LPXN: variants seen among roughly 807,000 people sequenced by gnomAD.
LPXN encodes the protein leupaxin.
LPXN carries 28 observed loss-of-function variants against 45.6 expected under a neutral mutation model. The observed-to-expected ratio is 0.61, with a 90% CI of 0.45 to 0.84. The LOEUF (loss-of-function observed/expected upper bound fraction) is 0.84, where lower values mean the gene tolerates loss of function less well. LPXN is among the 40% of genes least tolerant of loss of function. The pLI is 0.00. For synonymous variants in LPXN, 166 were observed against 169.9 expected (o/e 0.98, Z 0.18); for missense variants, 459 against 475.0 (o/e 0.97, Z 0.31).
Position 58,550,016 on chromosome 11 carries a change from AGTT to A in LPXN, c.614_616del (p.Gln205del), listed in dbSNP as rs751879446. ...GCAGTAAGCACAGCGTGGAGAAAAA[AGTT>A]GGTGGTAGTCGTTGGGGCAGTAGGC... On this transcript the variant is annotated inframe_deletion, in exon 6 of 9. Coordinates refer to ENST00000395074, the MANE Select transcript of LPXN (RefSeq NM_004811.3). 7 of 1,614,174 alleles carry A rather than the reference AGTT, an allele frequency of 4.3e-6. No homozygotes were observed. The African/African-American group carries it at 6.7e-5, about 15-fold the overall frequency.
At chr11:58,578,117 G>T, upstream of LPXN, 1 of 1,525,580 alleles carries the variant, frequency 6.6e-7, no homozygotes, top group South Asian at 1.2e-5. Flanking sequence ...CAGTTACGCA[G>T]ACACCCCGAG....
chr11:58,578,149 TAAAAAGTAAG>T (rs992028803), upstream of LPXN: 17 of 1,439,456 alleles, frequency 1.2e-5, no homozygotes, highest in African/African-American at 1.9e-4. Context: ...AACGCCCAGA[TAAAAAGTAAG>T]AAAAAGTAGG....
intron 3 of LPXN, among the ~76,000 whole-genome samples, chr11:58,556,475 A>G (rs946990085): frequency 3.3e-5 from 5 of 152,106 alleles, no homozygotes; most frequent in African/African-American, 1.2e-4. Flanking sequence ...TCCTATTATC[A>G]CTGGCAATCT....
At chr11:58,567,466 C>T (rs1297247969) in intron 2 of LPXN, among the ~76,000 whole-genome samples, 3 of 152,138 alleles carry the variant, frequency 2.0e-5, no homozygotes, top group South Asian at 4.1e-4. Context: ...AAAGGAAAAT[C>T]ACTCATTAAT....
At position 58,551,222 on chromosome 11, in the gene LPXN, C is replaced by T. The variant is rs1255880984; in HGVS notation, c.329G>A (p.Arg110Lys). The T allele has an allele frequency of 6.2e-7, 1 of 1,605,970 alleles. No individual in the cohort carries two copies. Among genetic ancestry groups the T allele is most frequent in the African/African-American group, 1.3e-5 (1 of 74,712 alleles). Residue 110 changes from arginine (R) to lysine (K), a missense_variant, in exon 5 of 9, where the codon AGA becomes AAA. By Grantham distance (26) the Arg-to-Lys change is conservative (BLOSUM62 2). Transcript: ENST00000395074. ...LTEMQAKVAV[R>K]ADAGKKHLPD... is the part of the protein sequence containing the mutation. Reference sequence around the variant, plus strand: ...TAAGTGCTTCTTGCCAGCATCTGCTCTCACTGCAACCTGGCCCAAGGGAAG... The same window carrying T: ...TAAGTGCTTCTTGCCAGCATCTGCTTTCACTGCAACCTGGCCCAAGGGAAG...
intron 4 of LPXN, chr11:58,553,885 AAG>A (rs2120351485): frequency 6.6e-6 from 1 of 152,316 alleles, no homozygotes; most frequent in South Asian, 2.1e-4. Context: ...GGCTAGAACA[AAG>A]AGGCAGATTT....
intron 3 of LPXN, among the ~76,000 whole-genome samples, chr11:58,555,752 A>C (rs1286533125): frequency 9.5e-6 from 1 of 105,144 alleles, no homozygotes; most frequent in Non-Finnish European, 2.0e-5. Flanking sequence ...ACACACACAC[A>C]CACACTCACA....
chr11:58,564,156 T>TG lies in LPXN; in HGVS notation c.216dup (p.Ser73GlnfsTer2). 1 of 1,587,176 alleles carries TG rather than the reference T, an allele frequency of 6.3e-7. No homozygotes were observed. The highest frequency in any genetic ancestry group is 1.1e-5 in the South Asian group (1 of 88,396). On this transcript the variant is annotated frameshift_variant and splice_region_variant, in exon 3 of 9. Coordinates refer to ENST00000395074, the MANE Select transcript of LPXN (RefSeq NM_004811.3). LOFTEE classifies it high-confidence loss of function. ...AGCATTTAATAGAAAAAAAAATACC[T>TG]GTAGACATTGAGCTCCTGGATATTG...
chr11:58,558,003 A>T (rs1026315860), intron 3 of LPXN, among the ~76,000 whole-genome samples: 1 of 152,008 alleles, frequency 6.6e-6, no homozygotes, highest in East Asian at 1.9e-4. Flanking sequence ...AACACTCAAG[A>T]CAATTTTGGA....
chr11:58,559,211 T>A (rs1217965096), intron 3 of LPXN, among the ~76,000 whole-genome samples: 1 of 152,054 alleles, frequency 6.6e-6, no homozygotes, highest in African/African-American at 2.4e-5. Flanking sequence ...AATATGAATT[T>A]TATATATATA....
rs539087836 is a variant in LPXN at position 58,527,813 on chromosome 11, C to G, written c.892-90G>C. 1.0e-3 allele frequency: 1,349 copies of G among 1,297,676 alleles called. 11 individuals carry two copies. The highest frequency in any genetic ancestry group is 2.5e-4 in the Non-Finnish European group (238 of 936,602). The allele number at this position is 1,297,676 out of a possible 1,614,324, so 80.4% of individuals were successfully genotyped here. ...AAATTTTCAGCCTTGAAATTCCTGA[C>G]AGTTACCTGCCAGCTACAGGAATTT... On this transcript the variant is annotated intron_variant, in intron 8 of 8. Transcript: ENST00000395074.
intron 7 of LPXN, among the ~76,000 whole-genome samples, chr11:58,540,425 G>T (rs1344250297): frequency 6.6e-6 from 1 of 152,072 alleles, no homozygotes; most frequent in Non-Finnish European, 1.5e-5. Flanking sequence ...ATGATAATAA[G>T]AAATTCTTAA....
intron 3 of LPXN, among the ~76,000 whole-genome samples, chr11:58,562,205 C>T (rs1012406238): frequency 7.2e-5 from 11 of 152,080 alleles, no homozygotes; most frequent in African/African-American, 2.7e-4. Context: ...GCTCATGTTG[C>T]TATTGATATA....
chr11:58,563,916 G>A (rs1854453236), intron 3 of LPXN, among the ~76,000 whole-genome samples: 1 of 152,134 alleles, frequency 6.6e-6, no homozygotes, highest in Non-Finnish European at 1.5e-5. Flanking sequence ...TTCTTTAGGT[G>A]GTAATGGACA....
At position 58,527,574 on chromosome 11, in the gene LPXN, C is replaced by T. The variant is rs751300586; in HGVS notation, c.1041G>A (p.Lys347=). Residue 347 remains lysine (K), a synonymous_variant, in exon 9 of 9, where the codon AAG becomes AAA. Coordinates refer to ENST00000395074, the MANE Select transcript of LPXN (RefSeq NM_004811.3). Reference sequence around the variant, plus strand: ...CACACACAAAGTGCTCAGGATGGAACTTGTACCCCATGGCACTGATACAAC... The same window carrying T: ...CACACACAAAGTGCTCAGGATGGAATTTGTACCCCATGGCACTGATACAAC... ...TGRCISAMGY[K]FHPEHFVCAF... 7 of 1,614,190 alleles carry T rather than the reference C, an allele frequency of 4.3e-6. No homozygotes were observed. The South Asian group carries it at 6.6e-5, about 15-fold the overall frequency.
chr11:58,549,899 T>C, intron 6 of LPXN, 32 bp from the exon 7 acceptor site: 1 of 1,613,936 alleles, frequency 6.2e-7, no homozygotes, highest in Non-Finnish European at 8.5e-7. Flanking sequence ...ATTATAATGA[T>C]GCAGAAGTTG....
intron 7 of LPXN, among the ~76,000 whole-genome samples, chr11:58,535,138 G>A (rs1853511660): frequency 1.3e-5 from 2 of 152,072 alleles, no homozygotes; most frequent in Admixed American, 6.5e-5. Context: ...CCAAACAATA[G>A]AAAAAGGGGG....
chr11:58,550,513 A>T (rs550579762), intron 5 of LPXN, among the ~76,000 whole-genome samples: 12 of 152,216 alleles, frequency 7.9e-5, no homozygotes, highest in Admixed American at 1.3e-4. Context: ...GCCAAATGAC[A>T]GTTTTTATTC....
upstream of LPXN, chr11:58,578,097 C>A (rs1448667038): frequency 6.5e-6 from 10 of 1,541,692 alleles, no homozygotes; most frequent in Admixed American, 4.1e-5. Flanking sequence ...CAAACCAAGG[C>A]AAGTCTGGGC....
Sources: gnomAD v4.1 joint callset for allele counts (sites outside exome capture counted in the v4.1 genomes callset) on GRCh38, gnomAD v4.1.1 for gene constraint, MANE v1.5 for transcripts, NCBI Gene and HGNC (gene_info 2026-07-23, HGNC 2026-07-21) for gene names.